The following TFAP2B variants were observed in gnomAD, a reference collection of about 807,000 sequenced individuals.
TFAP2B encodes transcription factor AP-2-beta.
Under a neutral mutation model 44.3 loss-of-function variants are expected in TFAP2B, and 9 were observed. That is an observed-to-expected ratio of 0.20 (90% confidence interval 0.12 to 0.35). TFAP2B has a LOEUF of 0.35. Ranked by LOEUF, TFAP2B falls within the 10% of genes least tolerant of loss-of-function variation. TFAP2B has a pLI of 1.00. For missense variants in TFAP2B, 509 were observed against 600.0 expected (o/e 0.85, Z 1.59); for synonymous variants, 270 against 263.8 (o/e 1.02, Z -0.23).
chr6:50,826,305 G>A (rs1770501717), intron 2 of TFAP2B, among the ~76,000 whole-genome samples: 1 of 152,138 alleles, frequency 6.6e-6, no homozygotes, highest in South Asian at 2.1e-4. Context: ...TTGAGCCAGG[G>A]AGCTGGCAGA....
rs966622180 is a variant in TFAP2B, at chr6:50,844,164, T to G, written c.*772T>G. 1 of 152,162 alleles carries G rather than the reference T, an allele frequency of 6.6e-6. No individual in the cohort carries two copies. Among genetic ancestry groups the G allele is most frequent in the Non-Finnish European group, 1.5e-5 (1 of 68,046 alleles). The allele number at this position is 152,162 out of a possible 1,614,324, so 9.4% of individuals were successfully genotyped here. Reference sequence around the variant, plus strand: ...GGCGGCTGAGGAAAATCCGGACCAATAAGTTGATTCAAACATCATCAGTTC... The same window carrying G: ...GGCGGCTGAGGAAAATCCGGACCAAGAAGTTGATTCAAACATCATCAGTTC... On this transcript the variant is annotated 3_prime_UTR_variant, in exon 7 of 7. Coordinates refer to ENST00000393655, the MANE Select transcript of TFAP2B (RefSeq NM_003221.4).
At chr6:50,836,307 A>G (rs1346842820) in intron 4 of TFAP2B, 27 bp downstream of exon 4, 3 of 1,578,292 alleles carry the variant, frequency 1.9e-6, no homozygotes, top group South Asian at 2.2e-5. Flanking sequence ...AAACAAAAAC[A>G]AAAACAAAAA....
rs1347448832 is a variant in TFAP2B at position 50,847,501 on chromosome 6, C to T, written c.*4109C>T. The stretch of plus-strand genomic sequence containing the variant: ...AAACCTCTTGACCCTAGATAGAATC[C>T]TATCTGAATTTTTCTGTTCTTTATA... On this transcript the variant is annotated 3_prime_UTR_variant, in exon 7 of 7. Transcript: ENST00000393655. 6.6e-6 allele frequency: 1 copy of T among 152,578 alleles called. No homozygotes were observed. The highest frequency in any genetic ancestry group is 2.4e-5 in the African/African-American group (1 of 41,436). 9.5% of individuals were successfully genotyped at this position (152,578 alleles called of 1,614,324 possible).
rs191739797 is a variant in TFAP2B, at chr6:50,843,566, C to G, written c.*174C>G. On this transcript the variant is annotated 3_prime_UTR_variant, in exon 7 of 7. Coordinates refer to ENST00000393655, the MANE Select transcript of TFAP2B (RefSeq NM_003221.4). ...TAAATAACTTAAAAAAAAACTGAGG[C>G]GTACAACGGAGCAACAATATCGGTT... 1.3e-3 allele frequency: 892 copies of G among 708,298 alleles called. 21 individuals are homozygous for G. The South Asian group carries it at 0.017, about 13-fold the overall frequency. The allele number at this position is 708,298 out of a possible 1,614,324, so 43.9% of individuals were successfully genotyped here.
chr6:50,836,661 C>T (rs1049012558), intron 4 of TFAP2B, among the ~76,000 whole-genome samples: 2 of 151,776 alleles, frequency 1.3e-5, no homozygotes, highest in African/African-American at 4.8e-5. Flanking sequence ...AGCCCCCCAG[C>T]CCCCCCACAA....
chr6:50,822,241 G>A, intron 1 of TFAP2B: 1 of 1,160,246 alleles, frequency 8.6e-7, no homozygotes, highest in Non-Finnish European at 1.2e-6. Flanking sequence ...CTGTGTGTGT[G>A]TGTGTCTCAC....
chr6:50,831,840 C>T (rs1350359778), intron 3 of TFAP2B, among the ~76,000 whole-genome samples: 3 of 152,144 alleles, frequency 2.0e-5, no homozygotes, highest in Non-Finnish European at 2.9e-5. Context: ...CTTGGAAAGG[C>T]TAGCGTGGCT....
chr6:50,819,731 G>A (rs1478488787), intron 1 of TFAP2B, among the ~76,000 whole-genome samples: 3 of 152,224 alleles, frequency 2.0e-5, no homozygotes, highest in Non-Finnish European at 4.4e-5. Flanking sequence ...CGCCTCCGGG[G>A]CCCGGACCGC....
intron 1 of TFAP2B, among the ~76,000 whole-genome samples, chr6:50,820,213 C>G (rs1317339291): frequency 6.6e-6 from 1 of 152,202 alleles, no homozygotes; most frequent in African/African-American, 2.4e-5. Flanking sequence ...TGCAGAGGCT[C>G]CCCAAAGAGC....
chr6:50,838,725 A>G (rs943885157), intron 5 of TFAP2B, among the ~76,000 whole-genome samples: 2 of 152,176 alleles, frequency 1.3e-5, no homozygotes, highest in Non-Finnish European at 2.9e-5. Context: ...TAATTTGCTC[A>G]TCAGTTTGGG....
chr6:50,840,873 C>T (rs554298075), intron 6 of TFAP2B, among the ~76,000 whole-genome samples: 2 of 152,310 alleles, frequency 1.3e-5, no homozygotes, highest in East Asian at 3.9e-4. Flanking sequence ...TGATTTACTC[C>T]TGTCTTTGGC....
chr6:50,833,621 T>C (rs1346889137), intron 3 of TFAP2B, among the ~76,000 whole-genome samples: 2 of 152,178 alleles, frequency 1.3e-5, no homozygotes, highest in Non-Finnish European at 2.9e-5. Context: ...ATAATGTATA[T>C]GCAGAAAGGT....
At chr6:50,820,351 GA>G (rs1770305627) in intron 1 of TFAP2B, among the ~76,000 whole-genome samples, 1 of 152,156 alleles carries the variant, frequency 6.6e-6, no homozygotes, top group Non-Finnish European at 1.5e-5. Context: ...CTCGGGCTCG[GA>G]CGAGCGCCCA....
In TFAP2B at chr6:50,837,931, G is replaced by A. The variant is rs751385356; in HGVS notation, c.822-44G>A. The A allele has an allele frequency of 1.0e-5, 15 of 1,480,626 alleles. No homozygotes were observed. The South Asian group carries it at 1.7e-4, about 17-fold the overall frequency. 91.7% of individuals were successfully genotyped at this position (1,480,626 alleles called of 1,614,324 possible). A position where few individuals can be genotyped will look rare whatever the true frequency, so the allele number is the denominator to read the frequency against. ...TTGCTAAGTCTAAACTTTGTTTCAG[G>A]AACACTCTAAGGTTAATCAGAATGT... On this transcript the variant is annotated intron_variant, in intron 4 of 6. Transcript: ENST00000393655.
In TFAP2B at chr6:50,829,963, TC is replaced by T. The variant is rs1268946249; in HGVS notation, c.601+1285del. Among the ~76,000 whole-genome samples the T allele has an allele frequency of 3.3e-5, 5 of 152,096 alleles. No individual in the cohort carries two copies. In the East Asian group the frequency reaches 9.6e-4, roughly 29 times the overall value. On this transcript the variant is annotated intron_variant, in intron 3 of 6. Coordinates refer to ENST00000393655, the MANE Select transcript of TFAP2B (RefSeq NM_003221.4). ...TGCTTCAAACATCTCTCTCTCTCTCTCTCTCATCTTCAAATAATATTGTTTT... is the reference window on the plus strand; with the variant it reads ...TGCTTCAAACATCTCTCTCTCTCTCTTCTCATCTTCAAATAATATTGTTTT...
At chr6:50,838,550 C>A (rs1249826432) in intron 5 of TFAP2B, among the ~76,000 whole-genome samples, 1 of 152,096 alleles carries the variant, frequency 6.6e-6, no homozygotes, top group Non-Finnish European at 1.5e-5. Context: ...TGCAGATTAC[C>A]TGGGACATGT....
Position 50,842,964 on chromosome 6 carries a change from G to A in TFAP2B, c.1083-128G>A, listed in dbSNP as rs1762761956. 7.9e-6 allele frequency: 10 copies of A among 1,270,848 alleles called. No individual in the cohort carries two copies. The Admixed American group carries it at 1.2e-4, about 15-fold the overall frequency. 78.7% of individuals were successfully genotyped at this position (1,270,848 alleles called of 1,614,324 possible). On this transcript the variant is annotated intron_variant, in intron 6 of 6. Coordinates refer to ENST00000393655, the MANE Select transcript of TFAP2B (RefSeq NM_003221.4). ...AGGGCGCTGGGAAAGGAAACAGAGC[G>A]GAATCGCCCACATTAGCCTCGCTCT...
intron 4 of TFAP2B, among the ~76,000 whole-genome samples, chr6:50,837,742 T>C (rs1762650548): frequency 6.6e-6 from 1 of 152,020 alleles, no homozygotes; most frequent in African/African-American, 2.4e-5. Context: ...ATCCTTTTTT[T>C]TTCTTTTCTC....
chr6:50,818,858 G>A (rs2272903), upstream of TFAP2B: 202,313 of 1,600,400 alleles, frequency 0.13, 15,106 homozygotes, highest in African/African-American at 0.29. Flanking sequence ...AGACAGCGGA[G>A]TCCTGAGAAG....
Sources: gnomAD v4.1 joint callset for allele counts (sites outside exome capture counted in the v4.1 genomes callset) on GRCh38, gnomAD v4.1.1 for gene constraint, MANE v1.5 for transcripts, NCBI Gene and HGNC (gene_info 2026-07-23, HGNC 2026-07-21) for gene names.